Variants in TAFA5 observed in about 807,000 individuals in gnomAD.
The protein encoded by TAFA5 is TAFA chemokine like family member 5, also known as chemokine-like protein TAFA-5.
A neutral mutation model predicts 15.3 loss-of-function variants in TAFA5; 6 were observed. That is an observed-to-expected ratio of 0.39 (90% CI 0.21 to 0.77). The LOEUF is 0.77. TAFA5 is among the 30% of genes least tolerant of loss of function. The probability of loss-of-function intolerance (pLI) is 0.41; values close to 1 mark genes in which losing one functional copy is unlikely to be tolerated. For missense variants in TAFA5, 161 were observed against 193.1 expected (o/e 0.83, Z 0.98); for synonymous variants, 103 against 80.7 (o/e 1.28, Z -1.48).
chr22:48,559,215 G>A (rs942234424), intron 1 of TAFA5, among the ~76,000 whole-genome samples: 3 of 152,202 alleles, frequency 2.0e-5, no homozygotes, highest in African/African-American at 4.8e-5. Context: ...TGACACCAGC[G>A]GTGGACGCTC....
At chr22:48,606,711 G>A (rs959075319) in intron 1 of TAFA5, among the ~76,000 whole-genome samples, 13 of 152,198 alleles carry the variant, frequency 8.5e-5, no homozygotes, top group Non-Finnish European at 1.5e-5. Context: ...CTGGATTAGC[G>A]ATCGCTGCTT....
At chr22:48,571,508 C>T (rs967014639) in intron 1 of TAFA5, among the ~76,000 whole-genome samples, 4 of 141,562 alleles carry the variant, frequency 2.8e-5, no homozygotes, top group African/African-American at 1.0e-4. Context: ...CTCCTGACCT[C>T]GTGATCTGCC....
chr22:48,516,226 G>T lies in TAFA5; in HGVS notation c.112+26522G>T, dbSNP rs534789059. 5.3e-5 allele frequency among the ~76,000 whole-genome samples: 8 copies of T among 152,340 alleles called. No individual in the cohort carries two copies. In the East Asian group the frequency reaches 7.7e-4, roughly 15 times the overall value. ...GGCGCCGAGACATTTTTACGTTTAA[G>T]TTGATCAGAATTAGGTGGAACGGCA... is the stretch of plus-strand genomic sequence containing the variant. On this transcript the variant is annotated intron_variant, in intron 1 of 3. Coordinates refer to ENST00000402357, the MANE Select transcript of TAFA5 (RefSeq NM_001082967.3).
intron 1 of TAFA5, among the ~76,000 whole-genome samples, chr22:48,562,342 A>G (rs976954242): frequency 1.3e-4 from 20 of 152,184 alleles, no homozygotes; most frequent in Admixed American, 7.2e-4. Flanking sequence ...GTTTCACCGC[A>G]TTAGCCAGGA....
rs1283974643 is a variant in TAFA5 at position 48,678,821 on chromosome 22, C to T, written c.263-28896C>T. 2.0e-5 allele frequency among the ~76,000 whole-genome samples: 3 copies of T among 152,182 alleles called. No individual in the cohort carries two copies. The East Asian group carries it at 5.8e-4, about 29-fold the overall frequency. On this transcript the variant is annotated intron_variant, in intron 2 of 3. Transcript: ENST00000402357. Reference sequence around the variant, plus strand: ...TTTCAAAGACCTCAGGGTGTAAGGACAGAAGAAACTTCTCACATGTTGGAA... The same window carrying T: ...TTTCAAAGACCTCAGGGTGTAAGGATAGAAGAAACTTCTCACATGTTGGAA...
At chr22:48,538,155 A>G (rs1419087004) in intron 1 of TAFA5, among the ~76,000 whole-genome samples, 1 of 148,188 alleles carries the variant, frequency 6.7e-6, no homozygotes, top group East Asian at 2.0e-4. Context: ...AAAATACGTG[A>G]AACCACCGAG....
At chr22:48,512,792 G>A (rs1471749737) in intron 1 of TAFA5, among the ~76,000 whole-genome samples, 7 of 151,774 alleles carry the variant, frequency 4.6e-5, no homozygotes, top group African/African-American at 1.2e-4. Flanking sequence ...GGGTGGTGGC[G>A]AGCGCCTTTA....
chr22:48,541,001 C>G (rs977910891), intron 1 of TAFA5, among the ~76,000 whole-genome samples: 8 of 152,060 alleles, frequency 5.3e-5, no homozygotes, highest in African/African-American at 1.9e-4. Context: ...TGCAGAGGGG[C>G]TCACCAAAGG....
chr22:48,687,413 G>T (rs1021192036), intron 2 of TAFA5, among the ~76,000 whole-genome samples: 2 of 151,030 alleles, frequency 1.3e-5, no homozygotes, highest in Non-Finnish European at 3.0e-5. Context: ...TAGATAGATG[G>T]GTGGGTAGAT....
intron 1 of TAFA5, among the ~76,000 whole-genome samples, chr22:48,595,060 G>A (rs1441217040): frequency 1.3e-5 from 2 of 152,158 alleles, no homozygotes. Flanking sequence ...GTGCTGCCTT[G>A]AGCCTGTGAC....
At position 48,679,652 on chromosome 22, in the gene TAFA5, GCTCCCCGTCCATCCCTCTCCCGT is replaced by G. The variant is rs756452648; in HGVS notation, c.263-28019_263-27997del. ...CGGCTCCCCGTCCATCCCTCTCCGGGCTCCCCGTCCATCCCTCTCCCGTCTCCCCGTCCATCCCTCTCCCGTCT... is the reference window on the plus strand; with the variant it reads ...CGGCTCCCCGTCCATCCCTCTCCGGGCTCCCCGTCCATCCCTCTCCCGTCT... On this transcript the variant is annotated intron_variant, in intron 2 of 3. Coordinates refer to ENST00000402357, the MANE Select transcript of TAFA5 (RefSeq NM_001082967.3). Among the ~76,000 whole-genome samples the G allele has an allele frequency of 5.6e-4, 47 of 83,366 alleles. 1 individual carries two copies. The East Asian group carries it at 8.4e-3, about 15-fold the overall frequency. The allele number at this position is 83,366 out of a possible 152,430, so 54.7% of individuals were successfully genotyped here. A position where few individuals can be genotyped will look rare whatever the true frequency, so the allele number is the denominator to read the frequency against.
chr22:48,500,589 T>C (rs145700077), intron 1 of TAFA5, among the ~76,000 whole-genome samples: 78 of 152,360 alleles, frequency 5.1e-4, no homozygotes, highest in African/African-American at 1.8e-3. Context: ...CGGGCTGTGC[T>C]GTCCGCCTCT....
chr22:48,516,236 A>G (rs1399735303), intron 1 of TAFA5, among the ~76,000 whole-genome samples: 1 of 152,142 alleles, frequency 6.6e-6, no homozygotes, highest in African/African-American at 2.4e-5. Context: ...GTTGATCAGA[A>G]TTAGGTGGAA....
intron 2 of TAFA5, among the ~76,000 whole-genome samples, chr22:48,656,290 A>G (rs1484683597): frequency 6.6e-6 from 1 of 152,054 alleles, no homozygotes; most frequent in Non-Finnish European, 1.5e-5. Flanking sequence ...TACTCCCATT[A>G]TTAAAAACGA....
intron 2 of TAFA5, among the ~76,000 whole-genome samples, chr22:48,647,926 G>C (rs1312297124): frequency 6.6e-6 from 1 of 152,206 alleles, no homozygotes; most frequent in African/African-American, 2.4e-5. Flanking sequence ...CAGCATCCCT[G>C]AGTGACAGGC....
chr22:48,703,617 G>A (rs556743705), intron 2 of TAFA5, among the ~76,000 whole-genome samples: 2 of 152,244 alleles, frequency 1.3e-5, no homozygotes, highest in Non-Finnish European at 2.9e-5. Context: ...GCTGGGTAGT[G>A]CGCTGTGGCC....
chr22:48,745,540 G>A (rs961323128), intron 3 of TAFA5, among the ~76,000 whole-genome samples: 1 of 152,212 alleles, frequency 6.6e-6, no homozygotes, highest in Non-Finnish European at 1.5e-5. Context: ...GTCGGCAGCT[G>A]GCCTGTCCGG....
intron 2 of TAFA5, among the ~76,000 whole-genome samples, chr22:48,694,648 C>T (rs545622311): frequency 7.0e-4 from 107 of 152,222 alleles, no homozygotes; most frequent in African/African-American, 2.5e-3. Context: ...GTACTGCTCC[C>T]GGGCAGTGCC....
At chr22:48,628,581 C>T (rs373346731) in intron 1 of TAFA5, among the ~76,000 whole-genome samples, 4 of 152,214 alleles carry the variant, frequency 2.6e-5, no homozygotes, top group South Asian at 2.1e-4. Context: ...CAGGGGCCTT[C>T]GCCACCCCCT....
Sources: allele counts gnomAD v4.1 joint callset (sites outside exome capture counted in the v4.1 genomes callset), GRCh38; gene constraint gnomAD v4.1.1; transcripts MANE v1.5; gene names NCBI Gene and HGNC (gene_info 2026-07-23, HGNC 2026-07-21).